PCMT1: variants seen among roughly 807,000 people sequenced by gnomAD.
PCMT1 encodes protein-L-isoaspartate(D-aspartate) O-methyltransferase.
A neutral mutation model predicts 29.2 loss-of-function variants in PCMT1; 9 were observed. That is an observed-to-expected ratio of 0.31 (90% confidence interval 0.19 to 0.54). The LOEUF is 0.54. PCMT1 is among the 20% of genes least tolerant of loss of function. PCMT1 has a pLI of 0.95. For missense variants in PCMT1, 184 were observed against 282.2 expected (o/e 0.65, Z 2.49); for synonymous variants, 98 against 97.5 (o/e 1.00, Z -0.03).
intron 6 of PCMT1, among the ~76,000 whole-genome samples, chr6:149,800,549 T>C (rs747609008): frequency 1.3e-5 from 2 of 152,158 alleles, no homozygotes; most frequent in Non-Finnish European, 2.9e-5. Context: ...TTTTTATTAA[T>C]AGTGATGCGT....
chr6:149,790,823 A>G (rs560958005), intron 4 of PCMT1, among the ~76,000 whole-genome samples: 76 of 152,268 alleles, frequency 5.0e-4, no homozygotes, highest in African/African-American at 1.8e-3. Context: ...AGCCTGGCCA[A>G]CGTGGTGAAA....
chr6:149,753,775 T>C (rs1254239678), intron 1 of PCMT1, among the ~76,000 whole-genome samples: 3 of 152,230 alleles, frequency 2.0e-5, no homozygotes, highest in Non-Finnish European at 4.4e-5. Flanking sequence ...GCATCATTTA[T>C]AGAATATTTC....
At position 149,771,222 on chromosome 6, in the gene PCMT1, A is replaced by G. The variant is rs890322580; in HGVS notation, c.116A>G (p.His39Arg). Residue 39 changes from histidine (H) to arginine (R), a missense_variant, in exon 2 of 8, where the codon CAC (histidine) becomes CGC (arginine). Physicochemically the swap from His to Arg is conservative, Grantham distance 29 (BLOSUM62 0). Transcript: ENST00000464889. ...FEVMLATDRS[H>R]YAKCNPYMDS... ...GTGATGCTGGCTACAGACCGCTCCC[A>G]CTATGCAAAATGTAACCCATACATG... 2.8e-5 allele frequency: 45 copies of G among 1,612,540 alleles called. No individual in the cohort carries two copies. The highest frequency in any genetic ancestry group is 3.7e-5 in the Non-Finnish European group (44 of 1,178,708).
intron 1 of PCMT1, among the ~76,000 whole-genome samples, chr6:149,767,886 C>T (rs527845732): frequency 9.4e-4 from 141 of 150,640 alleles, no homozygotes; most frequent in African/African-American, 3.4e-3. Context: ...CTCCACCTCC[C>T]AGGTTCAAGC....
intron 1 of PCMT1, among the ~76,000 whole-genome samples, chr6:149,752,154 C>G (rs988138298): frequency 1.4e-5 from 2 of 146,708 alleles, no homozygotes; most frequent in Non-Finnish European, 3.0e-5. Flanking sequence ...TTTGGGATTA[C>G]AAGAGTGAGC....
At position 149,791,836 on chromosome 6, in the gene PCMT1, T is replaced by A. The variant is rs1788384508; in HGVS notation, c.298-1713T>A. Among the ~76,000 whole-genome samples the A allele has an allele frequency of 2.0e-5, 3 of 152,358 alleles. No homozygotes were observed. The South Asian group carries it at 6.2e-4, about 32-fold the overall frequency. On this transcript the variant is annotated intron_variant, in intron 4 of 7. Transcript: ENST00000464889. ...ATAGTTTTAGAGGATGTATTCATTT[T>A]AAAAAATCATTTGGTTTCTGAGTTG... is the stretch of plus-strand genomic sequence containing the variant.
rs866726125 is a variant in PCMT1, at chr6:149,805,415, A to G, written c.*37+2999A>G. 9.3e-5 allele frequency among the ~76,000 whole-genome samples: 14 copies of G among 150,804 alleles called. No individual in the cohort carries two copies. In the South Asian group the frequency reaches 2.5e-3, roughly 27 times the overall value. On this transcript the variant is annotated intron_variant, in intron 7 of 7. Coordinates refer to ENST00000464889, the MANE Select transcript of PCMT1 (RefSeq NM_001360452.2). ...GAGACCATCCTGGGTAACATGGCGA[A>G]ACCCCGTCTCTCCTAAAAATACAAA... is the stretch of plus-strand genomic sequence containing the variant.
intron 4 of PCMT1, among the ~76,000 whole-genome samples, chr6:149,791,095 G>A (rs1359982112): frequency 1.3e-5 from 2 of 152,076 alleles, no homozygotes; most frequent in Non-Finnish European, 2.9e-5. Context: ...CCTTGTACAG[G>A]CCTCAGTTTC....
chr6:149,780,671 T>C (rs1230719182), intron 3 of PCMT1, among the ~76,000 whole-genome samples: 1 of 152,214 alleles, frequency 6.6e-6, no homozygotes, highest in East Asian at 1.9e-4. Context: ...TTGATCCCTG[T>C]TGTAGTGTGA....
intron 1 of PCMT1, among the ~76,000 whole-genome samples, chr6:149,767,794 TGTTC>T (rs377124554): frequency 0.033 from 3,725 of 113,242 alleles, 158 homozygotes; most frequent in African/African-American, 0.13. Context: ...CCTAATTTTT[TGTTC>T]GTTTGTTTGT....
At chr6:149,767,258 CTTTTT>C (rs113665810) in intron 1 of PCMT1, among the ~76,000 whole-genome samples, 1 of 145,568 alleles carries the variant, frequency 6.9e-6, no homozygotes, top group African/African-American at 2.5e-5. Context: ...GTAATTCACT[CTTTTT>C]TTTTTTTCTG....
chr6:149,754,267 T>C (rs557224285), intron 1 of PCMT1, among the ~76,000 whole-genome samples: 1 of 152,308 alleles, frequency 6.6e-6, no homozygotes, highest in African/African-American at 2.4e-5. Flanking sequence ...AGTTACCATA[T>C]TGGACAGCAC....
At chr6:149,763,142 T>G (rs186234308) in intron 1 of PCMT1, among the ~76,000 whole-genome samples, 1 of 61,960 alleles carries the variant, frequency 1.6e-5, no homozygotes, top group Non-Finnish European at 2.3e-5. Context: ...ATATGATATA[T>G]ATATCTATGA....
At chr6:149,780,927 C>T (rs1037302823) in intron 3 of PCMT1, among the ~76,000 whole-genome samples, 2 of 152,036 alleles carry the variant, frequency 1.3e-5, no homozygotes, top group African/African-American at 4.8e-5. Context: ...ATGGCCAAAC[C>T]GTTTTTCAAA....
chr6:149,759,796 A>C (rs1256281679), intron 1 of PCMT1, among the ~76,000 whole-genome samples: 1 of 151,954 alleles, frequency 6.6e-6, no homozygotes, highest in Admixed American at 6.6e-5. Context: ...CGCCCGGCCT[A>C]TTTTCTTACC....
chr6:149,792,862 CT>C (rs1188878712), intron 4 of PCMT1, among the ~76,000 whole-genome samples: 2 of 152,072 alleles, frequency 1.3e-5, no homozygotes, highest in Non-Finnish European at 2.9e-5. Context: ...GTAGAAATTC[CT>C]TCCCATCAGG....
chr6:149,756,522 T>A (rs1583002037), intron 1 of PCMT1, among the ~76,000 whole-genome samples: 5 of 132,886 alleles, frequency 3.8e-5, no homozygotes, highest in African/African-American at 8.3e-5. Context: ...CTTTTTTTTT[T>A]TTTTTTTTTT....
intron 7 of PCMT1, among the ~76,000 whole-genome samples, chr6:149,803,147 G>A (rs9688412): frequency 0.53 from 80,541 of 150,570 alleles, 24,660 homozygotes; most frequent in East Asian, 0.83. Context: ...GAAAGATAAC[G>A]GTCGTCTCAG....
chr6:149,785,695 C>T (rs1583037069), intron 3 of PCMT1, among the ~76,000 whole-genome samples: 1 of 152,078 alleles, frequency 6.6e-6, no homozygotes, highest in Non-Finnish European at 1.5e-5. Flanking sequence ...GTGGACACAG[C>T]ACTTGTTTCA....
Sources: gnomAD v4.1 joint callset for allele counts (sites outside exome capture counted in the v4.1 genomes callset) on GRCh38, gnomAD v4.1.1 for gene constraint, MANE v1.5 for transcripts, NCBI Gene and HGNC (gene_info 2026-07-23, HGNC 2026-07-21) for gene names.